Variants in SORCS3 observed in about 807,000 individuals in gnomAD.
The protein encoded by SORCS3 is VPS10 domain-containing receptor SorCS3.
A neutral mutation model predicts 146.3 loss-of-function variants in SORCS3; 57 were observed. The observed-to-expected ratio is 0.39, with a 90% confidence interval of 0.31 to 0.49. The LOEUF (loss-of-function observed/expected upper bound fraction) is 0.49. Ranked by LOEUF, SORCS3 falls within the 20% of genes least tolerant of loss-of-function variation. The probability of loss-of-function intolerance (pLI) is 0.92; values close to 1 mark genes in which losing one functional copy is unlikely to be tolerated. For missense variants in SORCS3, 1,341 were observed against 1,575.5 expected (o/e 0.85, Z 2.52); for synonymous variants, 653 against 618.5 (o/e 1.06, Z -0.83).
intron 2 of SORCS3, among the ~76,000 whole-genome samples, chr10:104,881,156 G>T (rs72815675): frequency 2.0e-4 from 30 of 152,292 alleles, no homozygotes; most frequent in Non-Finnish European, 3.8e-4. Flanking sequence ...CTAGCATACT[G>T]GTTCCACTGA....
intron 18 of SORCS3, among the ~76,000 whole-genome samples, chr10:105,215,080 A>G (rs2056657233): frequency 1.3e-5 from 2 of 152,234 alleles, no homozygotes; most frequent in Non-Finnish European, 2.9e-5. Context: ...GATGGGGAAG[A>G]TTATTGAAAT....
chr10:105,217,017 G>T lies in SORCS3; in HGVS notation c.2629G>T (p.Asp877Tyr), dbSNP rs1224979773. 2 of 1,614,164 alleles carry T rather than the reference G, an allele frequency of 1.2e-6. No individual in the cohort carries two copies. The highest frequency in any genetic ancestry group is 1.7e-6 in the Non-Finnish European group (2 of 1,180,022). The change falls in exon 19 of 27, where the codon GAC becomes TAC. Residue 877 changes from aspartate (D) to tyrosine (Y), a missense_variant. Transcript: ENST00000369701. ...CTACGCAAACTTCAGCCCCATCGAGGACGGCATCAAGCACGTGTATAAGAG... is the reference window on the plus strand; with the variant it reads ...CTACGCAAACTTCAGCCCCATCGAGTACGGCATCAAGCACGTGTATAAGAG... The part of the protein sequence containing the change: ...VSYANFSPIE[D>Y]GIKHVYKSAG...
At chr10:105,157,319 C>T (rs1589660819) in intron 10 of SORCS3, 35 bp downstream of exon 10, 3 of 1,607,824 alleles carry the variant, frequency 1.9e-6, no homozygotes, top group Non-Finnish European at 8.5e-7. Context: ...GTTCACAGGG[C>T]AGGCTGGCCA....
chr10:104,804,575 C>T (rs982633825), intron 1 of SORCS3, among the ~76,000 whole-genome samples: 1 of 152,184 alleles, frequency 6.6e-6, no homozygotes, highest in Non-Finnish European at 1.5e-5. Context: ...GGAAGTGACT[C>T]TACCACTGTC....
chr10:105,102,413 CAAA>C (rs1238489474), intron 6 of SORCS3, among the ~76,000 whole-genome samples: 1 of 152,136 alleles, frequency 6.6e-6, no homozygotes, highest in Non-Finnish European at 1.5e-5. Flanking sequence ...TTATCCTAAG[CAAA>C]CTAACACTGG....
At chr10:104,733,162 C>A (rs1167582998) in intron 1 of SORCS3, among the ~76,000 whole-genome samples, 1 of 152,116 alleles carries the variant, frequency 6.6e-6, no homozygotes, top group Non-Finnish European at 1.5e-5. Context: ...CCCATGAGCT[C>A]CTCTGATGCC....
chr10:105,187,451 G>A (rs1459199382), intron 14 of SORCS3, among the ~76,000 whole-genome samples: 1 of 152,174 alleles, frequency 6.6e-6, no homozygotes, highest in Non-Finnish European at 1.5e-5. Flanking sequence ...AAAACAATCA[G>A]GTGGCATGGA....
chr10:105,211,666 C>T (rs1001261322), intron 17 of SORCS3, among the ~76,000 whole-genome samples: 1 of 152,170 alleles, frequency 6.6e-6, no homozygotes, highest in Non-Finnish European at 1.5e-5. Flanking sequence ...TCAAAAGTTC[C>T]ATTCTAGGAA....
chr10:104,956,873 G>A (rs543177653), intron 3 of SORCS3, among the ~76,000 whole-genome samples: 30 of 152,204 alleles, frequency 2.0e-4, no homozygotes, highest in African/African-American at 7.0e-4. Flanking sequence ...GTGTAATTTT[G>A]TTACCCCCAC....
At chr10:105,144,768 A>C (rs970549032) in intron 8 of SORCS3, among the ~76,000 whole-genome samples, 1 of 152,162 alleles carries the variant, frequency 6.6e-6, no homozygotes, top group African/African-American at 2.4e-5. Flanking sequence ...TAAGGCAATG[A>C]CATATGCTAT....
intron 1 of SORCS3, among the ~76,000 whole-genome samples, chr10:104,787,658 T>G (rs962020230): frequency 6.6e-6 from 1 of 152,156 alleles, no homozygotes; most frequent in Admixed American, 6.5e-5. Context: ...AACATCATGA[T>G]GTTCTCCCAT....
At chr10:104,642,813 C>T (rs1038663551) in intron 1 of SORCS3, among the ~76,000 whole-genome samples, 1 of 152,218 alleles carries the variant, frequency 6.6e-6, no homozygotes. Flanking sequence ...TTTTCCCCGC[C>T]ACCGGGTTCT....
intron 1 of SORCS3, among the ~76,000 whole-genome samples, chr10:104,729,429 A>G (rs1043339445): frequency 6.6e-6 from 1 of 152,212 alleles, no homozygotes; most frequent in Non-Finnish European, 1.5e-5. Flanking sequence ...TTGATCCTGC[A>G]TTGTTAACAT....
chr10:105,008,968 G>A (rs2133679329), intron 4 of SORCS3, among the ~76,000 whole-genome samples: 1 of 152,286 alleles, frequency 6.6e-6, no homozygotes. Context: ...TTGGCTGCAT[G>A]TTTTCTTTTT....
intron 3 of SORCS3, among the ~76,000 whole-genome samples, chr10:104,934,025 C>T (rs966138666): frequency 6.6e-6 from 1 of 152,178 alleles, no homozygotes; most frequent in Non-Finnish European, 1.5e-5. Context: ...GAACTGACCT[C>T]AGGTGATCTG....
chr10:104,987,486 A>G (rs2054969133), intron 4 of SORCS3, among the ~76,000 whole-genome samples: 1 of 152,214 alleles, frequency 6.6e-6, no homozygotes, highest in Non-Finnish European at 1.5e-5. Context: ...CTGATTTAGT[A>G]AAACCCTTTC....
intron 1 of SORCS3, among the ~76,000 whole-genome samples, chr10:104,810,976 G>C (rs1392587426): frequency 6.6e-6 from 1 of 152,146 alleles, no homozygotes; most frequent in Non-Finnish European, 1.5e-5. Flanking sequence ...ATACCACAAA[G>C]AGTGAATTGT....
At chr10:104,665,730 T>G (rs1389780799) in intron 1 of SORCS3, 1 of 152,222 alleles carries the variant, frequency 6.6e-6, no homozygotes, top group Non-Finnish European at 1.5e-5. Context: ...CTGGGATTGT[T>G]CTTAACAAGG....
chr10:104,973,380 A>T (rs1396682701), intron 3 of SORCS3, among the ~76,000 whole-genome samples: 4 of 151,950 alleles, frequency 2.6e-5, no homozygotes, highest in African/African-American at 4.8e-5. Context: ...AGCTCCTGTT[A>T]TTGGTCTATT....
Sources: allele counts gnomAD v4.1 joint callset (sites outside exome capture counted in the v4.1 genomes callset), GRCh38; gene constraint gnomAD v4.1.1; transcripts MANE v1.5; gene names NCBI Gene and HGNC (gene_info 2026-07-23, HGNC 2026-07-21).